CCBE1: variants seen among roughly 807,000 people sequenced by gnomAD.
CCBE1 encodes the protein collagen and calcium binding EGF domains 1, also known as collagen and calcium-binding EGF domain-containing protein 1.
Under a neutral mutation model 50.0 loss-of-function variants are expected in CCBE1, and 37 were observed. The ratio of observed to expected loss-of-function variants is 0.74; its 90% CI spans 0.57 to 0.97. The LOEUF is 0.97. Among genes scored for constraint, CCBE1 ranks in the 50% least tolerant of loss-of-function variants. The pLI is 0.00. For missense variants in CCBE1, 538 were observed against 523.8 expected (o/e 1.03, Z -0.26); for synonymous variants, 234 against 203.7 (o/e 1.15, Z -1.27).
chr18:59,626,800 A>G (rs1467501247), intron 2 of CCBE1, among the ~76,000 whole-genome samples: 1 of 152,380 alleles, frequency 6.6e-6, no homozygotes, highest in East Asian at 1.9e-4. Flanking sequence ...CTGTGAGATA[A>G]GAACAGTGTT....
intron 2 of CCBE1, among the ~76,000 whole-genome samples, chr18:59,646,754 G>C (rs552364511): frequency 1.3e-5 from 2 of 152,324 alleles, no homozygotes; most frequent in African/African-American, 2.4e-5. Context: ...GGTACTTCCC[G>C]ATGAGATCTG....
In CCBE1 at chr18:59,447,990, G is replaced by A. The variant is rs769861250; in HGVS notation, c.768C>T (p.Gly256=). ...PGPPGLPGGQ[G]PPGSPGPKGS... is the part of the protein sequence containing the mutation. ...GCCCTCTTCCACACTCACCGGGAGG[G>A]CCCTGGCCCCCAGGCAGGCCAGGAG... The change falls in exon 7 of 11, where the codon GGC becomes GGT. Residue 256 remains glycine, a synonymous_variant. Transcript: ENST00000439986. 1.2e-6 allele frequency: 2 copies of A among 1,614,170 alleles called. No individual in the cohort carries two copies. The highest frequency in any genetic ancestry group is 2.2e-5 in the East Asian group (1 of 44,880).
chr18:59,613,154 C>T (rs957287783), intron 2 of CCBE1, among the ~76,000 whole-genome samples: 1 of 151,726 alleles, frequency 6.6e-6, no homozygotes, highest in Non-Finnish European at 1.5e-5. Flanking sequence ...TGCTCTACAC[C>T]TGTGTATCTA....
intron 2 of CCBE1, among the ~76,000 whole-genome samples, chr18:59,668,515 TA>T (rs1262544854): frequency 2.0e-5 from 3 of 152,126 alleles, no homozygotes. Context: ...GTTCACATAA[TA>T]TATCATAAGC....
At chr18:59,655,549 GTC>G (rs1359989755) in intron 2 of CCBE1, among the ~76,000 whole-genome samples, 2 of 152,240 alleles carry the variant, frequency 1.3e-5, no homozygotes, top group African/African-American at 4.8e-5. Context: ...AGGCAATGAA[GTC>G]TCTGTTTCCC....
chr18:59,465,816 C>T (rs567861936), intron 5 of CCBE1: 5 of 152,068 alleles, frequency 3.3e-5, no homozygotes, highest in Admixed American at 6.6e-5. Context: ...GAAAACACAG[C>T]GTTTCTGACC....
At chr18:59,509,327 AAT>A (rs939507057) in intron 2 of CCBE1, among the ~76,000 whole-genome samples, 5 of 151,660 alleles carry the variant, frequency 3.3e-5, no homozygotes, top group South Asian at 2.1e-4. Flanking sequence ...TATACACATA[AAT>A]ATATATATAT....
chr18:59,454,732 G>T, intron 6 of CCBE1, 119 bp downstream of exon 6: 1 of 873,384 alleles, frequency 1.1e-6, no homozygotes, highest in South Asian at 1.4e-5. Context: ...AACCTCACTG[G>T]CATCAACTGC....
chr18:59,547,291 AAGAC>A (rs1168929000), intron 2 of CCBE1, among the ~76,000 whole-genome samples: 2 of 152,114 alleles, frequency 1.3e-5, no homozygotes, highest in African/African-American at 4.8e-5. Flanking sequence ...TGGAAAAAAT[AAGAC>A]AGAGCAGTCA....
intron 2 of CCBE1, among the ~76,000 whole-genome samples, chr18:59,660,012 G>C (rs2054260633): frequency 6.6e-6 from 1 of 152,192 alleles, no homozygotes; most frequent in African/African-American, 2.4e-5. Context: ...CAATGCGTGA[G>C]TTTGTTGGAG....
chr18:59,500,818 C>A (rs1008474463), intron 2 of CCBE1, among the ~76,000 whole-genome samples: 4 of 152,172 alleles, frequency 2.6e-5, no homozygotes, highest in Non-Finnish European at 5.9e-5. Flanking sequence ...AAGACTGTTC[C>A]TACTGCTGTT....
intron 2 of CCBE1, among the ~76,000 whole-genome samples, chr18:59,622,255 G>A (rs1250256538): frequency 6.6e-6 from 1 of 152,198 alleles, no homozygotes; most frequent in Non-Finnish European, 1.5e-5. Context: ...CCTTTAGAAT[G>A]ATCTGTCCAA....
chr18:59,611,610 G>A (rs1409891903), intron 2 of CCBE1, among the ~76,000 whole-genome samples: 1 of 152,172 alleles, frequency 6.6e-6, no homozygotes, highest in Non-Finnish European at 1.5e-5. Flanking sequence ...GCTGGGCATG[G>A]TGGCATGTGC....
At chr18:59,522,447 C>T (rs1179179989) in intron 2 of CCBE1, among the ~76,000 whole-genome samples, 1 of 152,132 alleles carries the variant, frequency 6.6e-6, no homozygotes, top group Non-Finnish European at 1.5e-5. Flanking sequence ...GCTATAGACA[C>T]ATTTAAGAAA....
intron 2 of CCBE1, among the ~76,000 whole-genome samples, chr18:59,629,585 T>G (rs907310051): frequency 6.6e-6 from 1 of 152,132 alleles, no homozygotes; most frequent in South Asian, 2.1e-4. Flanking sequence ...GAATACATGA[T>G]TAAGAAAGGA....
intron 3 of CCBE1, among the ~76,000 whole-genome samples, chr18:59,474,956 C>A (rs1291308359): frequency 6.6e-6 from 1 of 152,156 alleles, no homozygotes; most frequent in Non-Finnish European, 1.5e-5. Flanking sequence ...CTATTATCTC[C>A]TCTTCCCATT....
At chr18:59,587,452 T>A (rs2053194217) in intron 2 of CCBE1, among the ~76,000 whole-genome samples, 1 of 151,910 alleles carries the variant, frequency 6.6e-6, no homozygotes, top group African/African-American at 2.4e-5. Context: ...TGAAAAAACG[T>A]TTTACCAAAC....
chr18:59,584,754 A>G (rs182960967), intron 2 of CCBE1, among the ~76,000 whole-genome samples: 165 of 152,304 alleles, frequency 1.1e-3, no homozygotes, highest in African/African-American at 3.5e-3. Flanking sequence ...AGGCCTCCCC[A>G]GAAGCAGAAG....
At chr18:59,546,100 C>T (rs537868364) in intron 2 of CCBE1, among the ~76,000 whole-genome samples, 1 of 152,308 alleles carries the variant, frequency 6.6e-6, no homozygotes, top group East Asian at 1.9e-4. Context: ...TCAATCTATT[C>T]TCTCACCAAA....
Sources: allele counts gnomAD v4.1 joint callset (sites outside exome capture counted in the v4.1 genomes callset), GRCh38; gene constraint gnomAD v4.1.1; transcripts MANE v1.5; gene names NCBI Gene and HGNC (gene_info 2026-07-23, HGNC 2026-07-21).